The following ADAMTSL1 variants were observed in gnomAD, a reference collection of about 807,000 sequenced individuals.
ADAMTSL1 encodes ADAMTS-like protein 1.
In ADAMTSL1, 126 loss-of-function variants were observed where a neutral mutation model predicts 201.8. That is an observed-to-expected ratio of 0.62 (90% confidence interval 0.54 to 0.72). ADAMTSL1 has a LOEUF of 0.72. Ranked by LOEUF, ADAMTSL1 falls within the 30% of genes least tolerant of loss-of-function variation. The pLI is 0.00. For missense variants in ADAMTSL1, 2,679 were observed against 2,277.8 expected (o/e 1.18, Z -3.59); for synonymous variants, 1,121 against 903.4 (o/e 1.24, Z -4.32).
intron 1 of ADAMTSL1, among the ~76,000 whole-genome samples, chr9:18,119,771 A>C (rs1047548981): frequency 1.3e-5 from 2 of 152,068 alleles, no homozygotes; most frequent in South Asian, 4.1e-4. Context: ...GTCTGAAAGG[A>C]GTTGCTGGCT....
At position 18,715,933 on chromosome 9, in the gene ADAMTSL1, C is replaced by T. The variant is rs981070245; in HGVS notation, c.1877-5603C>T. On this transcript the variant is annotated intron_variant, in intron 14 of 28. Coordinates refer to ENST00000380548, the MANE Select transcript of ADAMTSL1 (RefSeq NM_001040272.6). ...AACAGAGCCCTCAGAAATAACGCCG[C>T]ATATCTACAACTATCTGATCTTTGA... Among the ~76,000 whole-genome samples, 48 of 151,742 alleles carry T rather than the reference C, an allele frequency of 3.2e-4. 1 individual carries two copies. Among genetic ancestry groups the T allele is most frequent in the African/African-American group, 9.9e-4 (41 of 41,260 alleles).
intron 2 of ADAMTSL1, among the ~76,000 whole-genome samples, chr9:18,166,096 T>A (rs544904606): frequency 6.6e-6 from 1 of 152,044 alleles, no homozygotes; most frequent in South Asian, 2.1e-4. Context: ...CAGCATACTC[T>A]GTTTGTACAA....
intron 1 of ADAMTSL1, among the ~76,000 whole-genome samples, chr9:18,106,734 A>C (rs551570188): frequency 6.6e-6 from 1 of 152,364 alleles, no homozygotes; most frequent in South Asian, 2.1e-4. Flanking sequence ...AGTAACTTAC[A>C]AATATCTAAT....
At position 17,989,169 on chromosome 9, in the gene ADAMTSL1, G is replaced by A. The variant is rs114384198; in HGVS notation, c.87+82247G>A. ...ACAGAAAAATCAGAGAATGTAAATA[G>A]GACATGAAACCCACCTCTAAGCTCA... On this transcript the variant is annotated intron_variant, in intron 1 of 29. Transcript: ENST00000680146. 7.2e-3 allele frequency among the ~76,000 whole-genome samples: 1,096 copies of A among 151,726 alleles called. 13 individuals carry two copies. Among genetic ancestry groups the A allele is most frequent in the African/African-American group, 0.025 (1,044 of 41,422 alleles).
At chr9:18,728,020 C>T (rs539032379) in intron 15 of ADAMTSL1, among the ~76,000 whole-genome samples, 39 of 152,034 alleles carry the variant, frequency 2.6e-4, no homozygotes, top group African/African-American at 8.9e-4. Context: ...GAGGAAGTTA[C>T]GGTGAGCCAA....
chr9:18,005,836 C>G (rs928071312), intron 1 of ADAMTSL1, among the ~76,000 whole-genome samples: 6 of 152,024 alleles, frequency 3.9e-5, no homozygotes, highest in Non-Finnish European at 5.9e-5. Context: ...TTCTCTGCCT[C>G]TCTTCACTGC....
At chr9:18,389,440 G>A (rs984269550) in intron 2 of ADAMTSL1, among the ~76,000 whole-genome samples, 4 of 152,142 alleles carry the variant, frequency 2.6e-5, no homozygotes, top group African/African-American at 9.7e-5. Context: ...ATGTAAAGAA[G>A]CTGGTCGCCC....
At chr9:17,999,460 G>T (rs1819522396) in intron 1 of ADAMTSL1, among the ~76,000 whole-genome samples, 1 of 151,954 alleles carries the variant, frequency 6.6e-6, no homozygotes, top group Admixed American at 6.6e-5. Flanking sequence ...GTTGGTCATT[G>T]TAGATTTTTG....
rs189207113 is a variant in ADAMTSL1, at chr9:18,770,619, C to A, written c.2235C>A (p.Gly745=). 3 of 1,612,604 alleles carry A rather than the reference C, an allele frequency of 1.9e-6. No individual in the cohort carries two copies. Among genetic ancestry groups the A allele is most frequent in the Non-Finnish European group, 2.5e-6 (3 of 1,179,404 alleles). Residue 745 remains glycine, a synonymous_variant, in exon 17 of 29, where the codon GGC becomes GGA. Coordinates refer to ENST00000380548, the MANE Select transcript of ADAMTSL1 (RefSeq NM_001040272.6). ...AQWQPCSRTC[G]GGVQKREVLC... Reference sequence around the variant, plus strand: ...TTCCCCAGTGTTCCAGAACGTGTGGCGGGGGTGTTCAGAAACGTGAGGTTC... The same window carrying A: ...TTCCCCAGTGTTCCAGAACGTGTGGAGGGGGTGTTCAGAAACGTGAGGTTC...
At chr9:18,008,698 G>C (rs1416166840) in intron 1 of ADAMTSL1, among the ~76,000 whole-genome samples, 1 of 151,840 alleles carries the variant, frequency 6.6e-6, no homozygotes, top group African/African-American at 2.4e-5. Context: ...TCCCACCTTA[G>C]CAATTAGGTG....
At chr9:18,176,539 G>C (rs1587233558) in intron 2 of ADAMTSL1, among the ~76,000 whole-genome samples, 1 of 152,116 alleles carries the variant, frequency 6.6e-6, no homozygotes, top group Non-Finnish European at 1.5e-5. Flanking sequence ...CTTAGAGAGA[G>C]GGTAACATTT....
intron 2 of ADAMTSL1, among the ~76,000 whole-genome samples, chr9:18,275,177 A>T (rs1240836724): frequency 3.9e-5 from 6 of 152,180 alleles, no homozygotes; most frequent in African/African-American, 1.4e-4. Flanking sequence ...TAATTTCAAA[A>T]GACCTCTTAG....
chr9:18,557,208 G>A (rs1184604377), intron 3 of ADAMTSL1, among the ~76,000 whole-genome samples: 13 of 151,936 alleles, frequency 8.6e-5, no homozygotes, highest in Admixed American at 8.5e-4. Flanking sequence ...AGAACACCCT[G>A]TCTCTTGCCA....
chr9:18,138,362 T>C (rs1826250392), intron 1 of ADAMTSL1, among the ~76,000 whole-genome samples: 1 of 152,188 alleles, frequency 6.6e-6, no homozygotes, highest in Non-Finnish European at 1.5e-5. Flanking sequence ...AATTATCTCT[T>C]TTATACCCAT....
intron 19 of ADAMTSL1, among the ~76,000 whole-genome samples, chr9:18,787,529 G>C (rs886927335): frequency 6.6e-6 from 1 of 152,136 alleles, no homozygotes; most frequent in Non-Finnish European, 1.5e-5. Flanking sequence ...GTGGTTAACT[G>C]TTTTAGTATA....
At chr9:18,217,057 A>G (rs927865292) in intron 2 of ADAMTSL1, among the ~76,000 whole-genome samples, 1 of 152,142 alleles carries the variant, frequency 6.6e-6, no homozygotes, top group Non-Finnish European at 1.5e-5. Flanking sequence ...TGAGCTTTAA[A>G]TAAGTGACCA....
chr9:18,517,334 G>T (rs1437526334), intron 2 of ADAMTSL1, among the ~76,000 whole-genome samples: 3 of 151,292 alleles, frequency 2.0e-5, no homozygotes, highest in South Asian at 4.2e-4. Flanking sequence ...AAATAAACGT[G>T]TTCATTAAAA....
chr9:18,138,327 G>GT (rs1435692851), intron 1 of ADAMTSL1, among the ~76,000 whole-genome samples: 1 of 152,112 alleles, frequency 6.6e-6, no homozygotes, highest in African/African-American at 2.4e-5. Context: ...TCTTGCATGT[G>GT]TTTTTTCTAG....
At chr9:18,218,173 C>T (rs1263882970) in intron 2 of ADAMTSL1, among the ~76,000 whole-genome samples, 2 of 152,160 alleles carry the variant, frequency 1.3e-5, no homozygotes, top group East Asian at 1.9e-4. Flanking sequence ...CAAATAGAAT[C>T]GTAGCTGAAG....
Sources: allele counts gnomAD v4.1 joint callset (sites outside exome capture counted in the v4.1 genomes callset), GRCh38; gene constraint gnomAD v4.1.1; transcripts MANE v1.5; gene names NCBI Gene and HGNC (gene_info 2026-07-23, HGNC 2026-07-21).